Variants in MCF2L2 observed in about 807,000 individuals in gnomAD.
The protein encoded by MCF2L2 is MCF.2 cell line derived transforming sequence-like 2.
MCF2L2 carries 102 observed loss-of-function variants against 150.2 expected under a neutral mutation model. That is an observed-to-expected ratio of 0.68 (90% CI 0.58 to 0.80). The LOEUF (loss-of-function observed/expected upper bound fraction) is 0.80. MCF2L2 is among the 30% of genes least tolerant of loss of function. MCF2L2 has a pLI of 0.00. For missense variants in MCF2L2, 1,256 were observed against 1,372.8 expected (o/e 0.91, Z 1.34); for synonymous variants, 465 against 491.3 (o/e 0.95, Z 0.71).
At chr3:183,220,702 T>C (rs1723117888) in intron 20 of MCF2L2, among the ~76,000 whole-genome samples, 1 of 152,160 alleles carries the variant, frequency 6.6e-6, no homozygotes, top group Non-Finnish European at 1.5e-5. Context: ...TAATCAAAAA[T>C]CTTTACCAAT....
At chr3:183,271,125 C>T (rs1026446228) in intron 15 of MCF2L2, 5 of 478,880 alleles carry the variant, frequency 1.0e-5, no homozygotes, top group African/African-American at 1.0e-4. Flanking sequence ...TGCCTAAGTT[C>T]ATTTCAAAGA....
At position 183,337,568 on chromosome 3, in the gene MCF2L2, A is replaced by AAAAG. The variant is rs1560028233; in HGVS notation, c.486+1231_486+1232insCTTT. Among the ~76,000 whole-genome samples, 8 of 150,962 alleles carry AAAAG rather than the reference A, an allele frequency of 5.3e-5. 1 individual carries two copies. Among genetic ancestry groups the AAAAG allele is most frequent in the Non-Finnish European group, 1.0e-4 (7 of 67,766 alleles). On this transcript the variant is annotated intron_variant, in intron 5 of 29. Transcript: ENST00000328913. ...ACTCCATCTCAAAAAAAAAAAAAAA[A>AAAAG]AAGAAGAAAAAAAAGAAACTATCAG...
In MCF2L2 at chr3:183,423,703, A is replaced by G. The variant is rs888996521; in HGVS notation, c.76+4199T>C. On this transcript the variant is annotated intron_variant, in intron 1 of 29. Transcript: ENST00000328913. ...ACCCAGGCTGGAGTGCAATGGCGCA[A>G]TCTCAGCTCACCGCAACCTCCGCCT... is the stretch of plus-strand genomic sequence containing the variant. Among the ~76,000 whole-genome samples the G allele has an allele frequency of 5.4e-5, 8 of 146,800 alleles. No individual in the cohort carries two copies. In the East Asian group the frequency reaches 1.6e-3, roughly 29 times the overall value.
intron 5 of MCF2L2, among the ~76,000 whole-genome samples, chr3:183,331,631 A>G (rs903276072): frequency 3.9e-5 from 6 of 152,186 alleles, no homozygotes; most frequent in African/African-American, 1.4e-4. Context: ...CCTCTTCAGG[A>G]GTTTTACAAG....
At chr3:183,326,250 A>C (rs1176505354) in intron 5 of MCF2L2, among the ~76,000 whole-genome samples, 2 of 152,056 alleles carry the variant, frequency 1.3e-5, no homozygotes, top group East Asian at 3.9e-4. Flanking sequence ...CCAGCACTTT[A>C]ACAGGCGGAG....
rs1323259325 is a variant in MCF2L2 at position 183,295,148 on chromosome 3, C to CT, written c.1675+151dup. The CT allele has an allele frequency of 3.3e-5, 23 of 702,334 alleles. No individual in the cohort carries two copies. In the East Asian group the frequency reaches 6.6e-4, roughly 20 times the overall value. 43.5% of individuals were successfully genotyped at this position (702,334 alleles called of 1,614,324 possible). On this transcript the variant is annotated intron_variant, in intron 13 of 29. Transcript: ENST00000328913. The stretch of plus-strand genomic sequence containing the variant: ...CTTGGTGTTATCTAAGTGTTTATGT[C>CT]TTCCATGTCTGCACTATGCTATATC...
intron 22 of MCF2L2, among the ~76,000 whole-genome samples, chr3:183,213,028 T>A (rs1440699627): frequency 1.3e-5 from 2 of 151,918 alleles, no homozygotes; most frequent in Non-Finnish European, 2.9e-5. Context: ...CTTAGCCCTA[T>A]CTCTGCAGCT....
At chr3:183,408,809 C>T (rs1715175568) in intron 1 of MCF2L2, among the ~76,000 whole-genome samples, 1 of 152,198 alleles carries the variant, frequency 6.6e-6, no homozygotes, top group Admixed American at 6.5e-5. Flanking sequence ...CTCTTCTAAG[C>T]CTCTGTGCTC....
At chr3:183,319,080 CA>C (rs531786030) in intron 6 of MCF2L2, among the ~76,000 whole-genome samples, 157 of 152,348 alleles carry the variant, frequency 1.0e-3, no homozygotes, top group African/African-American at 3.6e-3. Context: ...AGTTTACTCA[CA>C]ATAGAACTTC....
chr3:183,224,393 C>A, intron 18 of MCF2L2: 1 of 524,908 alleles, frequency 1.9e-6, no homozygotes, highest in Non-Finnish European at 3.4e-6. Flanking sequence ...AACTACCAGA[C>A]ATAGATAGGC....
chr3:183,348,438 G>C (rs1430244436), intron 3 of MCF2L2, among the ~76,000 whole-genome samples: 1 of 151,772 alleles, frequency 6.6e-6, no homozygotes, highest in Non-Finnish European at 1.5e-5. Context: ...CGAGGGGAGG[G>C]AGAGAATTAG....
chr3:183,334,857 C>T (rs1010158503), intron 5 of MCF2L2, among the ~76,000 whole-genome samples: 3 of 150,766 alleles, frequency 2.0e-5, no homozygotes, highest in African/African-American at 7.3e-5. Flanking sequence ...GTAATCTCAG[C>T]CCTTTGGGAG....
At chr3:183,251,872 A>G (rs1215745892) in intron 15 of MCF2L2, among the ~76,000 whole-genome samples, 7 of 151,298 alleles carry the variant, frequency 4.6e-5, no homozygotes, top group Non-Finnish European at 1.0e-4. Context: ...GGCATTCTGG[A>G]CTACTTGACC....
At chr3:183,398,147 T>C (rs1714562575) in intron 1 of MCF2L2, among the ~76,000 whole-genome samples, 2 of 152,214 alleles carry the variant, frequency 1.3e-5, no homozygotes, top group African/African-American at 4.8e-5. Context: ...GCTTTACCAC[T>C]GAAAGGCAGT....
intron 16 of MCF2L2, 62 bp downstream of exon 16, chr3:183,230,889 G>A: frequency 1.5e-6 from 2 of 1,321,670 alleles, no homozygotes; most frequent in Non-Finnish European, 2.2e-6. Context: ...GAGTCTCTTT[G>A]TACAACAAAA....
chr3:183,310,056 G>A (rs1015227111), intron 9 of MCF2L2, among the ~76,000 whole-genome samples: 3 of 152,040 alleles, frequency 2.0e-5, no homozygotes, highest in Non-Finnish European at 4.4e-5. Flanking sequence ...ATATTCAACA[G>A]ATAATCAATC....
chr3:183,423,891 G>A (rs1716024602), intron 1 of MCF2L2, among the ~76,000 whole-genome samples: 1 of 151,834 alleles, frequency 6.6e-6, no homozygotes, highest in Non-Finnish European at 1.5e-5. Flanking sequence ...CAAAGTGCTG[G>A]GATTACAGGT....
chr3:183,330,001 G>A (rs1252292415), intron 5 of MCF2L2, among the ~76,000 whole-genome samples: 1 of 151,970 alleles, frequency 6.6e-6, no homozygotes, highest in Non-Finnish European at 1.5e-5. Flanking sequence ...TTGGGAGGCT[G>A]ACACAGGAGG....
intron 1 of MCF2L2, among the ~76,000 whole-genome samples, chr3:183,415,478 C>G (rs966031922): frequency 9.2e-5 from 14 of 152,208 alleles, no homozygotes; most frequent in Non-Finnish European, 1.5e-4. Flanking sequence ...TCAGCCACCG[C>G]ACCCGGCCAA....
Sources: gnomAD v4.1 joint callset for allele counts (sites outside exome capture counted in the v4.1 genomes callset) on GRCh38, gnomAD v4.1.1 for gene constraint, MANE v1.5 for transcripts, NCBI Gene and HGNC (gene_info 2026-07-23, HGNC 2026-07-21) for gene names.